RYR3: variants seen among roughly 807,000 people sequenced by gnomAD.
RYR3 encodes the protein brain ryanodine receptor-calcium release channel.
RYR3 carries 207 observed loss-of-function variants against 584.3 expected under a neutral mutation model. The observed-to-expected ratio is 0.35, with a 90% CI of 0.32 to 0.40. The LOEUF (loss-of-function observed/expected upper bound fraction) is 0.40, where lower values mean the gene tolerates loss of function less well. RYR3 is among the 10% of genes least tolerant of loss of function. The pLI is 1.00. For synonymous variants in RYR3, 2,416 were observed against 2,248.5 expected (o/e 1.07, Z -2.11); for missense variants, 5,616 against 6,089.2 (o/e 0.92, Z 2.59).
intron 24 of RYR3, 100 bp downstream of exon 24, chr15:33,633,208 C>T: frequency 8.2e-7 from 1 of 1,219,422 alleles, no homozygotes; most frequent in Non-Finnish European, 1.2e-6. Context: ...GAAGAGTTTG[C>T]CTTTGCACTC....
At chr15:33,709,242 A>G (rs935249850) in intron 43 of RYR3, among the ~76,000 whole-genome samples, 3 of 152,196 alleles carry the variant, frequency 2.0e-5, no homozygotes, top group African/African-American at 7.2e-5. Flanking sequence ...CAATAAAAGT[A>G]AGTGGAGTAA....
chr15:33,863,351 T>C (rs1889206815), intron 102 of RYR3, among the ~76,000 whole-genome samples: 1 of 152,192 alleles, frequency 6.6e-6, no homozygotes, highest in Non-Finnish European at 1.5e-5. Context: ...GAGCTGCTAC[T>C]GTGGGCCAGG....
At position 33,837,799 on chromosome 15, in the gene RYR3, C is replaced by T; in HGVS notation, c.11819C>T (p.Ser3940Phe). The change falls in exon 89 of 104, where the codon TCC becomes TTC. Residue 3940 changes from serine to phenylalanine, a missense_variant. Transcript: ENST00000634891. ...EYDPDGKGII[S>F]KKEFQKAMEG... ...GACCCAGATGGTAAAGGAATTATCT[C>T]CAAAAAAGAATTCCAGAAGGCCATG... 6.2e-7 allele frequency: 1 copy of T among 1,613,876 alleles called. No homozygotes were observed. Among genetic ancestry groups the T allele is most frequent in the Non-Finnish European group, 8.5e-7 (1 of 1,179,868 alleles).
chr15:33,499,409 G>C (rs1304938356), intron 2 of RYR3, among the ~76,000 whole-genome samples: 1 of 151,610 alleles, frequency 6.6e-6, no homozygotes, highest in Non-Finnish European at 1.5e-5. Context: ...TCTTACCTCT[G>C]GGCCTTTTGT....
chr15:33,326,641 C>T (rs1356169841), intron 1 of RYR3, among the ~76,000 whole-genome samples: 3 of 152,076 alleles, frequency 2.0e-5, no homozygotes, highest in African/African-American at 7.2e-5. Context: ...AAGCAATACT[C>T]AGCAGTATAA....
intron 9 of RYR3, among the ~76,000 whole-genome samples, chr15:33,549,740 C>T (rs2056532593): frequency 6.6e-6 from 1 of 152,138 alleles, no homozygotes; most frequent in East Asian, 1.9e-4. Flanking sequence ...TTACTATTTC[C>T]CTTGAAGATA....
rs570730743 is a variant in RYR3, at chr15:33,470,780, G to A, written c.52-2639G>A. On this transcript the variant is annotated intron_variant, in intron 1 of 103. Coordinates refer to ENST00000634891, the MANE Select transcript of RYR3 (RefSeq NM_001036.6). ...AATTTGGCATCAGGACATGTGAGAA[G>A]TAGGCAGACTTCTGGGAAAAGGAGA... 3.3e-5 allele frequency among the ~76,000 whole-genome samples: 5 copies of A among 152,328 alleles called. No homozygotes were observed. The East Asian group carries it at 9.7e-4, about 29-fold the overall frequency.
intron 27 of RYR3, among the ~76,000 whole-genome samples, chr15:33,639,988 G>A (rs188322739): frequency 1.3e-5 from 2 of 152,238 alleles, no homozygotes; most frequent in Admixed American, 6.5e-5. Context: ...CTCAGAATGC[G>A]ACGTCTGGAA....
chr15:33,492,443 G>C (rs1429026443), intron 2 of RYR3, among the ~76,000 whole-genome samples: 1 of 146,604 alleles, frequency 6.8e-6, no homozygotes, highest in Non-Finnish European at 1.5e-5. Flanking sequence ...TTGGTTTCTA[G>C]AGATATTATT....
chr15:33,768,626 G>T, intron 60 of RYR3, 32 bp from the exon 61 acceptor site: 3 of 1,609,480 alleles, frequency 1.9e-6, no homozygotes, highest in Non-Finnish European at 2.6e-6. Context: ...TAATCTCTGT[G>T]ACTTTCTGAA....
chr15:33,375,791 G>T (rs1485630792), intron 1 of RYR3, among the ~76,000 whole-genome samples: 67 of 152,170 alleles, frequency 4.4e-4, no homozygotes, highest in Admixed American at 4.4e-3. Context: ...CTGGCCAGGC[G>T]CAGTGGCTCA....
chr15:33,548,536 C>T (rs1427467319), intron 9 of RYR3, among the ~76,000 whole-genome samples: 2 of 152,234 alleles, frequency 1.3e-5, no homozygotes. Flanking sequence ...ATAAGTCTTC[C>T]GTCTCCTCTC....
chr15:33,513,651 AT>A (rs1401540483), intron 3 of RYR3, among the ~76,000 whole-genome samples: 3 of 151,780 alleles, frequency 2.0e-5, no homozygotes. Context: ...GAGGTGGGAG[AT>A]GGGGAAAGTG....
At chr15:33,465,599 A>G (rs1175359779) in intron 1 of RYR3, 1 of 442,334 alleles carries the variant, frequency 2.3e-6, no homozygotes, top group Non-Finnish European at 4.5e-6. Flanking sequence ...CTTAAGTAAG[A>G]TGGAAAGTGA....
intron 19 of RYR3, among the ~76,000 whole-genome samples, chr15:33,618,155 T>C (rs1054209334): frequency 3.3e-5 from 5 of 151,154 alleles, no homozygotes; most frequent in Non-Finnish European, 7.4e-5. Context: ...GAAATTTGGG[T>C]GCTAATTTTT....
chr15:33,708,946 G>A (rs2066908592), intron 43 of RYR3, among the ~76,000 whole-genome samples: 1 of 142,218 alleles, frequency 7.0e-6, no homozygotes, highest in Non-Finnish European at 1.5e-5. Context: ...GCTTCGGCGG[G>A]AGTCAGGACA....
At chr15:33,435,751 T>C (rs1034479515) in intron 1 of RYR3, among the ~76,000 whole-genome samples, 2 of 152,156 alleles carry the variant, frequency 1.3e-5, no homozygotes, top group African/African-American at 4.8e-5. Context: ...GAGATGAAGC[T>C]GCAGACCCTC....
Position 33,616,449 on chromosome 15 carries a change from C to T in RYR3, c.2357+3074C>T, listed in dbSNP as rs143815106. ...GAAAAAATAGTTGACTGAAAGGTAT[C>T]CACATGTAGAAGACATTTCTGGGAT... On this transcript the variant is annotated intron_variant, in intron 19 of 103. Coordinates refer to ENST00000634891, the MANE Select transcript of RYR3 (RefSeq NM_001036.6). Among the ~76,000 whole-genome samples, 27 of 152,260 alleles carry T rather than the reference C, an allele frequency of 1.8e-4. 1 individual carries two copies. In the East Asian group the frequency reaches 4.6e-3, roughly 26 times the overall value.
chr15:33,372,462 TCACAC>T, intron 1 of RYR3, among the ~76,000 whole-genome samples: 1 of 150,424 alleles, frequency 6.6e-6, no homozygotes, highest in South Asian at 2.1e-4. Context: ...CCTCCTGGGT[TCACAC>T]CATTCTCCTC....
Sources: allele counts gnomAD v4.1 joint callset (sites outside exome capture counted in the v4.1 genomes callset), GRCh38; gene constraint gnomAD v4.1.1; transcripts MANE v1.5; gene names NCBI Gene and HGNC (gene_info 2026-07-23, HGNC 2026-07-21).